The following ZHX3 variants were observed in gnomAD, a reference collection of about 807,000 sequenced individuals.
ZHX3 encodes the protein zinc fingers and homeoboxes 3, also known as zinc fingers and homeoboxes protein 3.
A neutral mutation model predicts 64.5 loss-of-function variants in ZHX3; 20 were observed. The ratio of observed to expected loss-of-function variants is 0.31; its 90% CI spans 0.22 to 0.45. The LOEUF (loss-of-function observed/expected upper bound fraction) is 0.45, where lower values mean the gene tolerates loss of function less well. Ranked by LOEUF, ZHX3 falls within the 20% of genes least tolerant of loss-of-function variation. The pLI, the probability that ZHX3 is intolerant of heterozygous loss-of-function variation, is 1.00. For synonymous variants in ZHX3, 423 were observed against 461.6 expected, an observed-to-expected ratio of 0.92 and a Z score of 1.07; for missense variants, 1,041 against 1,195.8, an observed-to-expected ratio of 0.87 and a Z score of 1.91.
intron 2 of ZHX3, among the ~76,000 whole-genome samples, chr20:41,261,348 C>T (rs951899266): frequency 1.3e-5 from 2 of 152,092 alleles, no homozygotes; most frequent in Non-Finnish European, 1.5e-5. Context: ...CATCTGTAAA[C>T]AAACAAAAAT....
At chr20:41,306,467 A>G (rs1433885777) in intron 1 of ZHX3, among the ~76,000 whole-genome samples, 1 of 152,216 alleles carries the variant, frequency 6.6e-6, no homozygotes, top group East Asian at 1.9e-4. Context: ...TCTTCCCCAA[A>G]GCCTACAGTC....
chr20:41,251,395 T>C (rs1176898857), intron 2 of ZHX3, among the ~76,000 whole-genome samples: 2 of 152,198 alleles, frequency 1.3e-5, no homozygotes, highest in Admixed American at 6.5e-5. Flanking sequence ...GTAAGTCACA[T>C]AGGTATACTG....
chr20:41,256,017 A>C (rs2042232131), intron 2 of ZHX3, among the ~76,000 whole-genome samples: 1 of 152,252 alleles, frequency 6.6e-6, no homozygotes, highest in Admixed American at 6.5e-5. Context: ...CTACTTCAAA[A>C]TTATGTAAAT....
intron 2 of ZHX3, among the ~76,000 whole-genome samples, chr20:41,223,334 G>C (rs2040070332): frequency 6.6e-6 from 1 of 152,160 alleles, no homozygotes; most frequent in Admixed American, 6.5e-5. Context: ...GATATACTTT[G>C]CACAATGGTA....
chr20:41,218,464 T>G (rs1300024692), intron 2 of ZHX3, among the ~76,000 whole-genome samples: 1 of 151,892 alleles, frequency 6.6e-6, no homozygotes, highest in African/African-American at 2.4e-5. Flanking sequence ...AATAAATAAA[T>G]AAATAAATGG....
At position 41,238,991 on chromosome 20, in the gene ZHX3, TC is replaced by T. The variant is rs1343186700; in HGVS notation, c.-151+29998del. 1.3e-4 allele frequency among the ~76,000 whole-genome samples: 17 copies of T among 135,312 alleles called. 1 individual carries two copies. The South Asian group carries it at 1.9e-3, about 15-fold the overall frequency. The allele number at this position is 135,312 out of a possible 152,430, so 88.8% of individuals were successfully genotyped here. A position where few individuals can be genotyped will look rare whatever the true frequency, so the allele number is the denominator to read the frequency against. ...TGAAAACAAGGGCCTATTTTCTCTC[TC>T]TTTTTTTTTTTTTTTTTTTTTTTTT... is the stretch of plus-strand genomic sequence containing the variant. On this transcript the variant is annotated intron_variant, in intron 2 of 3. Coordinates refer to ENST00000683867, the MANE Select transcript of ZHX3 (RefSeq NM_001384317.1).
chr20:41,229,931 T>C (rs2040494056), intron 2 of ZHX3, among the ~76,000 whole-genome samples: 2 of 152,202 alleles, frequency 1.3e-5, no homozygotes, highest in Non-Finnish European at 2.9e-5. Context: ...AACTTTTATA[T>C]ATATGGTGTA....
rs768627755 is a variant in ZHX3 at position 41,211,636 on chromosome 20, C to G, written c.-150-6570G>C. On this transcript the variant is annotated intron_variant, in intron 2 of 3. Transcript: ENST00000683867. ...TTTTCACCAAACATTACGTTATAAA[C>G]CTTTTTGTTACACAAGCTTCATAAG... 2.6e-4 allele frequency among the ~76,000 whole-genome samples: 39 copies of G among 152,220 alleles called. 1 individual carries two copies. Among genetic ancestry groups the G allele is most frequent in the Non-Finnish European group, 4.9e-4 (33 of 68,010 alleles).
chr20:41,210,535 A>G (rs1692552245), intron 2 of ZHX3, among the ~76,000 whole-genome samples: 1 of 152,212 alleles, frequency 6.6e-6, no homozygotes, highest in Non-Finnish European at 1.5e-5. Flanking sequence ...TGATGAGTTC[A>G]TGTCCTTTGT....
At chr20:41,230,379 A>T (rs962594617) in intron 2 of ZHX3, among the ~76,000 whole-genome samples, 4 of 152,146 alleles carry the variant, frequency 2.6e-5, no homozygotes, top group Non-Finnish European at 4.4e-5. Context: ...TGTGTTTATC[A>T]TTATAGTACT....
Position 41,202,522 on chromosome 20 carries a change from C to T in ZHX3, c.2395G>A (p.Ala799Thr). The T allele has an allele frequency of 1.9e-6, 3 of 1,614,190 alleles. No individual in the cohort carries two copies. Among genetic ancestry groups the T allele is most frequent in the Non-Finnish European group, 2.5e-6 (3 of 1,180,042 alleles). Residue 799 changes from alanine to threonine, a missense_variant, in exon 3 of 4, where the codon GCC (alanine) becomes ACC (threonine). Physicochemically the swap from Ala to Thr is moderately conservative, Grantham distance 58. Coordinates refer to ENST00000683867, the MANE Select transcript of ZHX3 (RefSeq NM_001384317.1). The surrounding 1 kb of genome is among the most constrained non-coding windows in gnomAD (Gnocchi z 7.0). ...TCTGGCCGTGGCAGACCCGTCTGGG[C>T]CATGATGGAGTCATAGTCCTGGTTG... The part of the protein sequence containing the change: ...PSNQDYDSIM[A>T]QTGLPRPEVV...
At chr20:41,241,531 T>C (rs1054760838) in intron 2 of ZHX3, among the ~76,000 whole-genome samples, 3 of 152,234 alleles carry the variant, frequency 2.0e-5, no homozygotes, top group African/African-American at 7.2e-5. Context: ...CATTTGTTCA[T>C]TTTTGCTTTG....
intron 1 of ZHX3, among the ~76,000 whole-genome samples, chr20:41,279,916 C>T (rs746229155): frequency 3.3e-5 from 5 of 152,114 alleles, no homozygotes; most frequent in Admixed American, 6.6e-5. Context: ...GAAGTGAGCC[C>T]AGGACTGTCA....
rs752290331 is a variant in ZHX3 at position 41,203,518 on chromosome 20, T to C, written c.1399A>G (p.Thr467Ala). 2.4e-5 allele frequency: 39 copies of C among 1,614,008 alleles called. No individual in the cohort carries two copies. The highest frequency in any genetic ancestry group is 3.3e-4 in the Middle Eastern group (2 of 6,084). ...APINTVCSNT[T>A]SAVKVVNAAQ... ...GCATTGACCACCTTCACAGCTGACGTTGTATTTGAACACACAGTGTTAATG... is the reference window on the plus strand; with the variant it reads ...GCATTGACCACCTTCACAGCTGACGCTGTATTTGAACACACAGTGTTAATG... The change falls in exon 3 of 4, where the codon ACG (threonine) becomes GCG (alanine). Residue 467 changes from threonine (T) to alanine (A), a missense_variant. By Grantham distance (58) the Thr-to-Ala change is moderately conservative. Coordinates refer to ENST00000683867, the MANE Select transcript of ZHX3 (RefSeq NM_001384317.1). The surrounding 1 kb of genome is among the most constrained non-coding windows in gnomAD (Gnocchi z 7.1).
intron 1 of ZHX3, among the ~76,000 whole-genome samples, chr20:41,302,053 CAAAA>C (rs555883542): frequency 2.3e-3 from 145 of 62,326 alleles, no homozygotes; most frequent in African/African-American, 7.7e-3. Flanking sequence ...GACTCCATCT[CAAAA>C]AAAAAAAAAA....
intron 2 of ZHX3, among the ~76,000 whole-genome samples, chr20:41,237,280 T>C (rs946509885): frequency 6.6e-6 from 1 of 152,244 alleles, no homozygotes; most frequent in African/African-American, 2.4e-5. Context: ...CCCAAAGGAT[T>C]ATAAAACATG....
intron 1 of ZHX3, among the ~76,000 whole-genome samples, chr20:41,312,987 C>T (rs946806259): frequency 6.6e-6 from 1 of 152,062 alleles, no homozygotes; most frequent in African/African-American, 2.4e-5. Flanking sequence ...AATCATCCAT[C>T]TGAGAGAGGT....
At chr20:41,258,849 G>T (rs898636108) in intron 2 of ZHX3, among the ~76,000 whole-genome samples, 19 of 152,070 alleles carry the variant, frequency 1.2e-4, no homozygotes, top group African/African-American at 4.3e-4. Context: ...TTTCCTGAAG[G>T]ACTACTGGCT....
intron 2 of ZHX3, among the ~76,000 whole-genome samples, chr20:41,213,221 C>T (rs1170392316): frequency 6.6e-6 from 1 of 152,092 alleles, no homozygotes; most frequent in Admixed American, 6.6e-5. Context: ...GGGGGAGTGG[C>T]TGCTAATGAG....
Sources: allele counts gnomAD v4.1 joint callset (sites outside exome capture counted in the v4.1 genomes callset), GRCh38; gene constraint gnomAD v4.1.1; non-coding constraint Gnocchi (gnomAD v3.1); transcripts MANE v1.5; gene names NCBI Gene and HGNC (gene_info 2026-07-23, HGNC 2026-07-21).